The following UGGT2 variants were observed in gnomAD, a reference collection of about 807,000 sequenced individuals.
UGGT2 encodes the protein UDP-glucose:glycoprotein glucosyltransferase 2.
UGGT2 carries 180 observed loss-of-function variants against 192.1 expected under a neutral mutation model. That is an observed-to-expected ratio of 0.94 (90% confidence interval 0.83 to 1.06). The LOEUF (loss-of-function observed/expected upper bound fraction) is 1.06. Ranked by LOEUF, UGGT2 falls within the 50% of genes least tolerant of loss-of-function variation. The pLI, the probability that UGGT2 is intolerant of heterozygous loss-of-function variation, is 0.00. For synonymous variants in UGGT2, 580 were observed against 591.0 expected, an observed-to-expected ratio of 0.98 and a Z score of 0.27; for missense variants, 1,849 against 1,795.7, an observed-to-expected ratio of 1.03 and a Z score of -0.54.
chr13:95,805,333 T>C (rs1295275232), intron 38 of UGGT2, among the ~76,000 whole-genome samples: 2 of 151,926 alleles, frequency 1.3e-5, no homozygotes, highest in African/African-American at 4.8e-5. Context: ...GGAACTCTTT[T>C]GCACTGTTGA....
At chr13:96,041,051 C>T (rs148389246) in intron 1 of UGGT2, among the ~76,000 whole-genome samples, 2 of 152,298 alleles carry the variant, frequency 1.3e-5, no homozygotes, top group East Asian at 1.9e-4. Flanking sequence ...GTCTTGAATT[C>T]TGAACCTTTG....
At chr13:96,029,836 A>G (rs1347157950) in intron 2 of UGGT2, among the ~76,000 whole-genome samples, 1 of 152,196 alleles carries the variant, frequency 6.6e-6, no homozygotes, top group Non-Finnish European at 1.5e-5. Flanking sequence ...AAAAAATAGC[A>G]CTGAATAAGG....
chr13:95,985,311 A>G (rs755905821), intron 9 of UGGT2: 1 of 1,289,344 alleles, frequency 7.8e-7, no homozygotes, highest in Non-Finnish European at 1.0e-6. Flanking sequence ...TGACTGAAAG[A>G]GGCATATCAA....
In UGGT2 at chr13:95,868,883, G is replaced by GT. The variant is rs759743026; in HGVS notation, c.3474-1461dup. The stretch of plus-strand genomic sequence containing the variant: ...GAGCTCTCATTTTACTTCAGGCACT[G>GT]TTTTTTTTTTATTTATTATACTTTA... On this transcript the variant is annotated intron_variant, in intron 29 of 38. Coordinates refer to ENST00000376747, the MANE Select transcript of UGGT2 (RefSeq NM_020121.4). 2.1e-3 allele frequency among the ~76,000 whole-genome samples: 315 copies of GT among 148,178 alleles called. 2 individuals carry two copies. The highest frequency in any genetic ancestry group is 3.5e-3 in the Middle Eastern group (1 of 284).
chr13:96,030,884 G>A (rs1166793360), intron 2 of UGGT2, among the ~76,000 whole-genome samples: 1 of 152,184 alleles, frequency 6.6e-6, no homozygotes, highest in Non-Finnish European at 1.5e-5. Context: ...AGTGAAATGA[G>A]AGCATATTAG....
Position 95,923,352 on chromosome 13 carries a change from C to A in UGGT2, c.2295+2328G>T, listed in dbSNP as rs1015020649. Among the ~76,000 whole-genome samples the A allele has an allele frequency of 7.3e-5, 11 of 150,726 alleles. 1 individual carries two copies. The East Asian group carries it at 2.0e-3, about 27-fold the overall frequency. ...GGGATTACAGGCACGAGCCACCATG[C>A]CTGGCTCAGCATATTCTTTTTTTTT... is the stretch of plus-strand genomic sequence containing the variant. On this transcript the variant is annotated intron_variant, in intron 20 of 38. Coordinates refer to ENST00000376747, the MANE Select transcript of UGGT2 (RefSeq NM_020121.4).
chr13:95,890,230 T>C (rs1224477724), intron 25 of UGGT2, among the ~76,000 whole-genome samples: 1 of 152,184 alleles, frequency 6.6e-6, no homozygotes, highest in African/African-American at 2.4e-5. Flanking sequence ...CTTCAGCTTC[T>C]CCAAAAGCCA....
intron 38 of UGGT2, among the ~76,000 whole-genome samples, chr13:95,802,071 C>G (rs1333095507): frequency 6.6e-6 from 1 of 152,126 alleles, no homozygotes; most frequent in Non-Finnish European, 1.5e-5. Flanking sequence ...AGGAACATAC[C>G]TTACTTATCT....
intron 26 of UGGT2, among the ~76,000 whole-genome samples, chr13:95,886,468 A>G (rs1468141549): frequency 6.6e-6 from 1 of 152,158 alleles, no homozygotes; most frequent in African/African-American, 2.4e-5. Context: ...ACATAATGTG[A>G]TGTTTTACAG....
At position 95,862,275 on chromosome 13, in the gene UGGT2, A is replaced by G. The variant is rs543002291; in HGVS notation, c.3644+1354T>C. On this transcript the variant is annotated intron_variant, in intron 31 of 38. Coordinates refer to ENST00000376747, the MANE Select transcript of UGGT2 (RefSeq NM_020121.4). ...GATAGAAGTGCTTTTGACTACTATA[A>G]CCAAATATATTTAAGTTGTTGAATC... Among the ~76,000 whole-genome samples, 18 of 152,272 alleles carry G rather than the reference A, an allele frequency of 1.2e-4. No homozygotes were observed. The East Asian group carries it at 3.3e-3, about 28-fold the overall frequency.
chr13:95,970,641 A>T, intron 11 of UGGT2, among the ~76,000 whole-genome samples: 1 of 152,208 alleles, frequency 6.6e-6, no homozygotes, highest in East Asian at 1.9e-4. Flanking sequence ...CATAAAGTAT[A>T]AAATTCTAAT....
chr13:95,896,141 G>A (rs371673451), intron 22 of UGGT2, among the ~76,000 whole-genome samples: 6 of 151,998 alleles, frequency 3.9e-5, no homozygotes, highest in Admixed American at 6.6e-5. Flanking sequence ...CAGAAAACAC[G>A]TCAACCAGAT....
intron 29 of UGGT2, among the ~76,000 whole-genome samples, chr13:95,871,661 A>G: frequency 6.6e-6 from 1 of 152,150 alleles, no homozygotes; most frequent in Non-Finnish European, 1.5e-5. Context: ...GCTCTGAACT[A>G]GAGTTTGTTG....
At position 95,835,481 on chromosome 13, in the gene UGGT2, C is replaced by A. The variant is rs151249579; in HGVS notation, c.4401+1605G>T. 4.8e-3 allele frequency among the ~76,000 whole-genome samples: 728 copies of A among 152,284 alleles called. 9 individuals carry two copies. Among genetic ancestry groups the A allele is most frequent in the African/African-American group, 0.016 (685 of 41,560 alleles). On this transcript the variant is annotated intron_variant, in intron 37 of 38. Coordinates refer to ENST00000376747, the MANE Select transcript of UGGT2 (RefSeq NM_020121.4). The stretch of plus-strand genomic sequence containing the variant: ...GGCCTCTCTTTATGAAATTCCCTTG[C>A]TTACCTCTTAAAAATGCCTTTTTAT...
chr13:95,984,480 C>T (rs2051228513), intron 9 of UGGT2, among the ~76,000 whole-genome samples: 1 of 152,040 alleles, frequency 6.6e-6, no homozygotes, highest in African/African-American at 2.4e-5. Flanking sequence ...AGGTACACAC[C>T]ACCACATCCA....
chr13:95,828,293 T>C (rs1429325263), intron 38 of UGGT2, among the ~76,000 whole-genome samples: 1 of 151,968 alleles, frequency 6.6e-6, no homozygotes, highest in Admixed American at 6.6e-5. Flanking sequence ...ATCCAAAAGC[T>C]AGCAAAAGAC....
chr13:95,847,701 C>T (rs1888614333), intron 36 of UGGT2, among the ~76,000 whole-genome samples: 1 of 152,110 alleles, frequency 6.6e-6, no homozygotes, highest in African/African-American at 2.4e-5. Flanking sequence ...TACTGATTCA[C>T]CTACTAAAAG....
chr13:95,805,911 C>T (rs544124101), intron 38 of UGGT2, among the ~76,000 whole-genome samples: 9 of 151,156 alleles, frequency 6.0e-5, no homozygotes, highest in South Asian at 4.2e-4. Flanking sequence ...AATCTTGTTA[C>T]GTGATTTTTT....
intron 38 of UGGT2, among the ~76,000 whole-genome samples, chr13:95,816,552 T>C (rs996337304): frequency 6.6e-6 from 1 of 152,288 alleles, no homozygotes. Context: ...TGGAATAGCA[T>C]TCAAGAATAA....
Sources: gnomAD v4.1 joint callset for allele counts (sites outside exome capture counted in the v4.1 genomes callset) on GRCh38, gnomAD v4.1.1 for gene constraint, MANE v1.5 for transcripts, NCBI Gene and HGNC (gene_info 2026-07-23, HGNC 2026-07-21) for gene names.